C2orf76: variants seen among roughly 807,000 people sequenced by gnomAD.
C2orf76 encodes UPF0538 protein C2orf76.
A neutral mutation model predicts 16.9 loss-of-function variants in C2orf76; 23 were observed. That is an observed-to-expected ratio of 1.36 (90% CI 0.98 to 1.93). The LOEUF is 1.93. Among genes scored for constraint, C2orf76 ranks in the 30% most tolerant of loss-of-function variants. The pLI, the probability that C2orf76 is intolerant of heterozygous loss-of-function variation, is 0.00. For missense variants in C2orf76, 152 were observed against 152.6 expected, an observed-to-expected ratio of 1.00 and a Z score of 0.02; for synonymous variants, 48 against 52.3, an observed-to-expected ratio of 0.92 and a Z score of 0.35.
the C2orf76 span, among the ~76,000 whole-genome samples, chr2:119,283,918 A>G: frequency 3.9e-5 from 6 of 152,326 alleles, no homozygotes; most frequent in East Asian, 1.9e-4. Flanking sequence ...GACATCCCGG[A>G]AAGTTGAGCA....
At chr2:119,340,032 C>G in intron 1 of C2orf76, 61 bp from the exon 2 acceptor site, 1 of 1,551,896 alleles carries the variant, frequency 6.4e-7, no homozygotes, top group South Asian at 1.2e-5. Flanking sequence ...CTACCAGCAC[C>G]TAGCCTGCAT....
rs1223675672 is a variant in C2orf76, at chr2:119,311,649, C to G, written c.277G>C (p.Asp93His). The G allele has an allele frequency of 3.7e-6, 6 of 1,613,186 alleles. No homozygotes were observed. Among genetic ancestry groups the G allele is most frequent in the Non-Finnish European group, 5.1e-6 (6 of 1,179,902 alleles). The change falls in exon 5 of 6, where the codon GAC becomes CAC. Residue 93 changes from aspartate to histidine, a missense_variant. By Grantham distance (81) the Asp-to-His change is moderately conservative. Coordinates refer to ENST00000334816, the MANE Select transcript of C2orf76 (RefSeq NM_001322331.2). ...EDDERLLLKE[D>H]STLKAAGIAS... is the part of the protein sequence containing the mutation. ...ATTCCAGCTGCTTTCAGAGTGCTGT[C>G]TTCTTTCAGCAGGAGTCTTTCGTCA... is the stretch of plus-strand genomic sequence containing the variant.
At chr2:119,294,076 T>A in the C2orf76 span, among the ~76,000 whole-genome samples, 3 of 152,120 alleles carry the variant, frequency 2.0e-5, no homozygotes, top group African/African-American at 7.2e-5. Flanking sequence ...AGGGAGAAGA[T>A]ATAATTAGAG....
chr2:119,339,476 G>T (rs746371246), intron 2 of C2orf76, among the ~76,000 whole-genome samples: 40 of 151,582 alleles, frequency 2.6e-4, no homozygotes, highest in Non-Finnish European at 4.4e-4. Flanking sequence ...CACCCTCTGT[G>T]CTCAGCTGGG....
At chr2:119,292,439 G>A in the C2orf76 span, among the ~76,000 whole-genome samples, 2 of 152,286 alleles carry the variant, frequency 1.3e-5, no homozygotes, top group East Asian at 3.9e-4. Flanking sequence ...AGCCCTAGCG[G>A]CAGAAAAGAA....
At chr2:119,343,628 TCC>T (rs1680105758) in intron 1 of C2orf76, among the ~76,000 whole-genome samples, 1 of 152,084 alleles carries the variant, frequency 6.6e-6, no homozygotes, top group Non-Finnish European at 1.5e-5. Context: ...AAATAAGAAT[TCC>T]TTAAAAAGCT....
At chr2:119,344,569 AAG>A (rs1280127432) in intron 1 of C2orf76, among the ~76,000 whole-genome samples, 1 of 152,190 alleles carries the variant, frequency 6.6e-6, no homozygotes, top group Non-Finnish European at 1.5e-5. Flanking sequence ...CAAAATAAAA[AAG>A]AGCTGTTTGG....
rs925879255 is a variant in C2orf76, at chr2:119,352,050, T to C, written c.-12-12079A>G. ...AGAGAATGGAATCCAAAATGAGCTATTAGAAGCTTTAAGGGTAGGAAAAGC... is the reference window on the plus strand; with the variant it reads ...AGAGAATGGAATCCAAAATGAGCTACTAGAAGCTTTAAGGGTAGGAAAAGC... On this transcript the variant is annotated intron_variant, in intron 1 of 5. Transcript: ENST00000334816. Among the ~76,000 whole-genome samples, 199 of 152,314 alleles carry C rather than the reference T, an allele frequency of 1.3e-3. 1 individual carries two copies. Among genetic ancestry groups the C allele is most frequent in the African/African-American group, 4.6e-3 (193 of 41,570 alleles).
At chr2:119,359,201 A>C (rs956119055) in intron 1 of C2orf76, among the ~76,000 whole-genome samples, 3 of 152,192 alleles carry the variant, frequency 2.0e-5, no homozygotes, top group African/African-American at 7.2e-5. Flanking sequence ...CGTTTATTAA[A>C]TATTTTAAGC....
At chr2:119,344,962 G>A (rs758203228) in intron 1 of C2orf76, among the ~76,000 whole-genome samples, 2 of 152,086 alleles carry the variant, frequency 1.3e-5, no homozygotes, top group Non-Finnish European at 2.9e-5. Context: ...ACTAATAATG[G>A]ATTTGGGGAA....
chr2:119,361,812 C>T (rs1379281086), intron 1 of C2orf76, among the ~76,000 whole-genome samples: 3 of 151,968 alleles, frequency 2.0e-5, no homozygotes, highest in Non-Finnish European at 2.9e-5. Context: ...TATAACCGCA[C>T]GTCAATCTAT....
chr2:119,346,054 CAAAAAAAA>C (rs56669262), intron 1 of C2orf76, among the ~76,000 whole-genome samples: 5 of 73,570 alleles, frequency 6.8e-5, no homozygotes, highest in East Asian at 4.2e-4. Flanking sequence ...GACGCCATCT[CAAAAAAAA>C]AAAAAAAAAA....
the C2orf76 span, among the ~76,000 whole-genome samples, chr2:119,284,388 CAGTT>C: frequency 2.0e-5 from 3 of 152,130 alleles, no homozygotes; most frequent in Admixed American, 2.0e-4. Flanking sequence ...AAACTGTGTA[CAGTT>C]GTAGGGCTTA....
the C2orf76 span, among the ~76,000 whole-genome samples, chr2:119,294,562 C>G: frequency 6.6e-6 from 1 of 152,088 alleles, no homozygotes; most frequent in Admixed American, 6.5e-5. Context: ...TAGCACTACT[C>G]GCTCGCCCAC....
At chr2:119,339,624 G>T (rs973959732) in intron 2 of C2orf76, among the ~76,000 whole-genome samples, 24 of 151,570 alleles carry the variant, frequency 1.6e-4, no homozygotes, top group African/African-American at 5.6e-4. Flanking sequence ...TCCCTCATGA[G>T]GACACAGACT....
intron 1 of C2orf76, among the ~76,000 whole-genome samples, chr2:119,359,488 T>C (rs1178406194): frequency 1.3e-5 from 2 of 152,208 alleles, no homozygotes; most frequent in Admixed American, 6.5e-5. Context: ...ACGAAAACCT[T>C]CTGGAAAGGA....
At chr2:119,303,266 A>G (rs1489107550) in intron 5 of C2orf76, among the ~76,000 whole-genome samples, 1 of 152,256 alleles carries the variant, frequency 6.6e-6, no homozygotes, top group African/African-American at 2.4e-5. Flanking sequence ...TGCGTCTTCT[A>G]TAACAATAAG....
At chr2:119,351,469 G>A (rs1041571588) in intron 1 of C2orf76, among the ~76,000 whole-genome samples, 2 of 152,148 alleles carry the variant, frequency 1.3e-5, no homozygotes, top group African/African-American at 4.8e-5. Context: ...AAGGCAGAGC[G>A]ACTGGGCACG....
chr2:119,356,593 C>G (rs1573688472), intron 1 of C2orf76, among the ~76,000 whole-genome samples: 1 of 151,050 alleles, frequency 6.6e-6, no homozygotes, highest in East Asian at 1.9e-4. Flanking sequence ...CCTCAAGAAC[C>G]TAGAAAATCA....
Sources: allele counts gnomAD v4.1 joint callset (sites outside exome capture counted in the v4.1 genomes callset), GRCh38; gene constraint gnomAD v4.1.1; transcripts MANE v1.5; gene names NCBI Gene and HGNC (gene_info 2026-07-23, HGNC 2026-07-21).